Variants in UHRF2 observed in about 807,000 individuals in gnomAD.
UHRF2 encodes the protein ubiquitin like with PHD and ring finger domains 2.
UHRF2 carries 23 observed loss-of-function variants against 96.8 expected under a neutral mutation model. The observed-to-expected ratio is 0.24, with a 90% CI of 0.17 to 0.34. The LOEUF (loss-of-function observed/expected upper bound fraction) is 0.34, where lower values mean the gene tolerates loss of function less well. Ranked by LOEUF, UHRF2 falls within the 10% of genes least tolerant of loss-of-function variation. UHRF2 has a pLI of 1.00. For synonymous variants in UHRF2, 385 were observed against 332.6 expected (o/e 1.16, Z -1.72); for missense variants, 685 against 981.5 (o/e 0.70, Z 4.04).
chr9:6,421,606 A>G lies in UHRF2; in HGVS notation c.384+464A>G, dbSNP rs560055068. ...TAATTTTTGTATTTTTAGTAGAAAC[A>G]GGGTTTCACCATGTAGGCCAGGCTA... On this transcript the variant is annotated intron_variant, in intron 2 of 15. Transcript: ENST00000276893. Among the ~76,000 whole-genome samples the G allele has an allele frequency of 2.9e-4, 44 of 152,138 alleles. 1 individual carries two copies. In the South Asian group the frequency reaches 6.9e-3, roughly 24 times the overall value.
intron 4 of UHRF2, among the ~76,000 whole-genome samples, chr9:6,464,266 G>C (rs1385354693): frequency 6.6e-6 from 1 of 152,124 alleles, no homozygotes; most frequent in Non-Finnish European, 1.5e-5. Context: ...CCAATTTGGT[G>C]ACTTTTTTTG....
intron 5 of UHRF2, among the ~76,000 whole-genome samples, chr9:6,476,164 T>C (rs868279615): frequency 2.6e-5 from 4 of 152,226 alleles, no homozygotes; most frequent in African/African-American, 9.6e-5. Context: ...CTTCTTTCAC[T>C]TAACATAATG....
In UHRF2 at chr9:6,493,849, C is replaced by T. The variant is rs1824817453; in HGVS notation, c.1521C>T (p.Tyr507=). ...AGGACCGAGGTGATGAGTTCACATA[C>T]ACTGGAAGCGGTGGTAAAAATCTTG... is the stretch of plus-strand genomic sequence containing the variant. ...DEVDRGDEFT[Y]TGSGGKNLAG... Residue 507 remains tyrosine (Y), a synonymous_variant, in exon 10 of 16, where the codon TAC becomes TAT. Transcript: ENST00000276893. The T allele has an allele frequency of 3.7e-6, 6 of 1,613,918 alleles. No homozygotes were observed. Among genetic ancestry groups the T allele is most frequent in the Non-Finnish European group, 5.1e-6 (6 of 1,179,920 alleles).
At chr9:6,483,776 A>T (rs959584033) in intron 8 of UHRF2, among the ~76,000 whole-genome samples, 3 of 151,436 alleles carry the variant, frequency 2.0e-5, no homozygotes, top group Admixed American at 6.6e-5. Flanking sequence ...CACAACCTCT[A>T]CCTCCCGGGT....
At position 6,413,308 on chromosome 9, in the gene UHRF2, C is replaced by A; in HGVS notation, c.-183C>A. ...GTCGTCTCTCCTCAAGTCGGCTAGT[C>A]GGGCGCGCGCGCTGAGAGTCGTCGC... On this transcript the variant is annotated 5_prime_UTR_variant, in exon 1 of 16. Transcript: ENST00000276893. The A allele has an allele frequency of 2.6e-6, 1 of 380,336 alleles. No individual in the cohort carries two copies. Among genetic ancestry groups the A allele is most frequent in the Non-Finnish European group, 4.0e-6 (1 of 252,556 alleles). 23.6% of individuals were successfully genotyped at this position (380,336 alleles called of 1,614,324 possible).
At chr9:6,414,412 G>A (rs1819471350) in intron 1 of UHRF2, among the ~76,000 whole-genome samples, 1 of 152,174 alleles carries the variant, frequency 6.6e-6, no homozygotes, top group Non-Finnish European at 1.5e-5. Context: ...TACTCATGTC[G>A]TTCACGCTTT....
intron 3 of UHRF2, among the ~76,000 whole-genome samples, chr9:6,451,104 G>C (rs998297600): frequency 6.6e-6 from 1 of 152,098 alleles, no homozygotes; most frequent in Non-Finnish European, 1.5e-5. Flanking sequence ...TCACTGATTT[G>C]CTTTATCCTA....
chr9:6,428,232 A>G (rs79037067), intron 2 of UHRF2, among the ~76,000 whole-genome samples: 1 of 152,190 alleles, frequency 6.6e-6, no homozygotes, highest in African/African-American at 2.4e-5. Context: ...CTTTTTGATT[A>G]TGAAATGTAT....
chr9:6,493,675 A>G lies in UHRF2; in HGVS notation c.1498-151A>G, dbSNP rs1824806310. 1.9e-5 allele frequency: 12 copies of G among 620,710 alleles called. No homozygotes were observed. In the South Asian group the frequency reaches 2.4e-4, roughly 13 times the overall value. The allele number at this position is 620,710 out of a possible 1,614,324, so 38.5% of individuals were successfully genotyped here. A position where few individuals can be genotyped will look rare whatever the true frequency, so the allele number is the denominator to read the frequency against. On this transcript the variant is annotated intron_variant, in intron 9 of 15. Coordinates refer to ENST00000276893, the MANE Select transcript of UHRF2 (RefSeq NM_152896.3). ...GACTTGAAAGTATACTACACACAAG[A>G]TTGCATTTAAATTTTGCATTATTTT...
In UHRF2 at chr9:6,485,415, G is replaced by A. The variant is rs551684345; in HGVS notation, c.1393-1406G>A. On this transcript the variant is annotated intron_variant, in intron 8 of 15. Coordinates refer to ENST00000276893, the MANE Select transcript of UHRF2 (RefSeq NM_152896.3). ...GATGACTATGAGGTTGTTTTCCTGA[G>A]CATCTAGTGAGATGGATTTGCTATT... is the stretch of plus-strand genomic sequence containing the variant. 5.3e-5 allele frequency among the ~76,000 whole-genome samples: 8 copies of A among 152,068 alleles called. No homozygotes were observed. The East Asian group carries it at 1.5e-3, about 29-fold the overall frequency.
intron 7 of UHRF2, 27 bp from the exon 8 acceptor site, chr9:6,481,965 T>C (rs749033730): frequency 6.2e-7 from 1 of 1,604,956 alleles, no homozygotes; most frequent in African/African-American, 1.3e-5. Flanking sequence ...ATAACTGATT[T>C]CTCAACGTTT....
intron 3 of UHRF2, among the ~76,000 whole-genome samples, chr9:6,438,335 A>G (rs970466398): frequency 8.5e-5 from 13 of 152,198 alleles, no homozygotes; most frequent in African/African-American, 2.9e-4. Flanking sequence ...AAGAGAATCT[A>G]TGAAGTTAGT....
intron 2 of UHRF2, among the ~76,000 whole-genome samples, chr9:6,423,547 A>C (rs1211320877): frequency 6.6e-6 from 1 of 152,166 alleles, no homozygotes; most frequent in African/African-American, 2.4e-5. Flanking sequence ...AAAATGTTTC[A>C]ATATAATTCA....
At chr9:6,485,273 A>T (rs1824198727) in intron 8 of UHRF2, among the ~76,000 whole-genome samples, 1 of 152,226 alleles carries the variant, frequency 6.6e-6, no homozygotes, top group South Asian at 2.1e-4. Context: ...TACTATAAAT[A>T]TAGTAAAAAT....
chr9:6,426,458 C>T (rs1820266322), intron 2 of UHRF2, among the ~76,000 whole-genome samples: 1 of 152,150 alleles, frequency 6.6e-6, no homozygotes, highest in Admixed American at 6.5e-5. Flanking sequence ...GCTGTTCATA[C>T]AATAATAAAT....
intron 3 of UHRF2, among the ~76,000 whole-genome samples, chr9:6,441,965 A>G (rs545282997): frequency 4.3e-4 from 65 of 152,234 alleles, no homozygotes; most frequent in African/African-American, 1.5e-3. Context: ...ACTATGTAAT[A>G]GTTGACTGTT....
intron 3 of UHRF2, among the ~76,000 whole-genome samples, chr9:6,456,028 G>C (rs1394724434): frequency 6.6e-6 from 1 of 152,046 alleles, no homozygotes; most frequent in Non-Finnish European, 1.5e-5. Flanking sequence ...ACCTTATAAA[G>C]CTTTAGGTTC....
intron 4 of UHRF2, among the ~76,000 whole-genome samples, chr9:6,469,401 C>A (rs1448123300): frequency 1.3e-5 from 2 of 151,930 alleles, no homozygotes; most frequent in East Asian, 3.9e-4. Flanking sequence ...GCCTGTAGTC[C>A]CAGCTACTCG....
intron 1 of UHRF2, among the ~76,000 whole-genome samples, chr9:6,419,521 C>G (rs1819802927): frequency 6.6e-6 from 1 of 151,786 alleles, no homozygotes; most frequent in South Asian, 2.1e-4. Context: ...AGAAAGATAA[C>G]ATATTTGACT....
Sources: allele counts gnomAD v4.1 joint callset (sites outside exome capture counted in the v4.1 genomes callset), GRCh38; gene constraint gnomAD v4.1.1; transcripts MANE v1.5; gene names NCBI Gene and HGNC (gene_info 2026-07-23, HGNC 2026-07-21).